SOCS6: variants seen among roughly 807,000 people sequenced by gnomAD.
SOCS6 encodes the protein suppressor of cytokine signaling 6.
Under a neutral mutation model 27.7 loss-of-function variants are expected in SOCS6, and 5 were observed. The ratio of observed to expected loss-of-function variants is 0.18; its 90% CI spans 0.09 to 0.38. SOCS6 has a LOEUF of 0.38. Ranked by LOEUF, SOCS6 falls within the 10% of genes least tolerant of loss-of-function variation. SOCS6 has a pLI of 1.00. For synonymous variants in SOCS6, 271 were observed against 260.0 expected, an observed-to-expected ratio of 1.04 and a Z score of -0.41; for missense variants, 595 against 688.1, an observed-to-expected ratio of 0.86 and a Z score of 1.51.
At chr18:70,308,973 T>C (rs2062379777) in intron 1 of SOCS6, among the ~76,000 whole-genome samples, 1 of 152,206 alleles carries the variant, frequency 6.6e-6, no homozygotes, top group Non-Finnish European at 1.5e-5. Flanking sequence ...CAGCACATAG[T>C]TGTTTCTTTT....
intron 1 of SOCS6, among the ~76,000 whole-genome samples, chr18:70,290,930 C>T (rs569943270): frequency 3.5e-4 from 53 of 152,292 alleles, no homozygotes; most frequent in Admixed American, 1.6e-3. Context: ...TCTTGGTGGG[C>T]CCCCCACCCC....
chr18:70,309,461 T>C (rs1394924060), intron 1 of SOCS6, among the ~76,000 whole-genome samples: 1 of 152,230 alleles, frequency 6.6e-6, no homozygotes, highest in Non-Finnish European at 1.5e-5. Flanking sequence ...CTGCATTCTT[T>C]TGTGTTAAGT....
intron 1 of SOCS6, among the ~76,000 whole-genome samples, chr18:70,312,225 A>T (rs978987787): frequency 6.6e-6 from 1 of 152,242 alleles, no homozygotes; most frequent in Non-Finnish European, 1.5e-5. Context: ...TACCAAACTT[A>T]ACAGGGTTAT....
intron 1 of SOCS6, among the ~76,000 whole-genome samples, chr18:70,301,188 G>A (rs1366033688): frequency 6.6e-6 from 1 of 152,178 alleles, no homozygotes; most frequent in African/African-American, 2.4e-5. Flanking sequence ...CCTTATTACA[G>A]TAGTAGCCAC....
chr18:70,297,414 C>T (rs1014101825), intron 1 of SOCS6, among the ~76,000 whole-genome samples: 2 of 151,768 alleles, frequency 1.3e-5, no homozygotes, highest in Non-Finnish European at 2.9e-5. Flanking sequence ...TTAAACCCTT[C>T]GTTTTTGGGA....
intron 1 of SOCS6, among the ~76,000 whole-genome samples, chr18:70,310,153 A>G (rs2062384684): frequency 6.6e-6 from 1 of 152,238 alleles, no homozygotes; most frequent in South Asian, 2.1e-4. Context: ...GTTGTCACCA[A>G]ATGTGATGAA....
At chr18:70,291,535 G>T (rs1269736656) in intron 1 of SOCS6, among the ~76,000 whole-genome samples, 1 of 152,148 alleles carries the variant, frequency 6.6e-6, no homozygotes, top group Non-Finnish European at 1.5e-5. Flanking sequence ...ATAGAGGTGT[G>T]ATCTTATTTA....
chr18:70,321,163 G>T (rs543843624), intron 1 of SOCS6, among the ~76,000 whole-genome samples: 1 of 151,760 alleles, frequency 6.6e-6, no homozygotes, highest in East Asian at 2.0e-4. Flanking sequence ...AGTACCAACT[G>T]CTCAGGAGGC....
chr18:70,315,199 T>G (rs796195243), intron 1 of SOCS6, among the ~76,000 whole-genome samples: 7 of 152,264 alleles, frequency 4.6e-5, no homozygotes, highest in African/African-American at 1.7e-4. Flanking sequence ...ATCAGTATAC[T>G]TTTGACCTCA....
rs1222686976 is a variant in SOCS6 at position 70,329,146 on chromosome 18, A to G, written c.*2870A>G. ...TTTTTATAAATAAGAAGAAGGCTGT[A>G]GAAAGTACTTGAAAAATATCTAATT... On this transcript the variant is annotated 3_prime_UTR_variant, in exon 2 of 2. Coordinates refer to ENST00000397942, the MANE Select transcript of SOCS6 (RefSeq NM_004232.4). 2 of 167,124 alleles carry G rather than the reference A, an allele frequency of 1.2e-5. No individual in the cohort carries two copies. The highest frequency in any genetic ancestry group is 3.8e-4 in the East Asian group (2 of 5,210). 10.4% of individuals were successfully genotyped at this position (167,124 alleles called of 1,614,324 possible).
intron 1 of SOCS6, among the ~76,000 whole-genome samples, chr18:70,313,435 T>G (rs1490060178): frequency 3.9e-5 from 6 of 152,160 alleles, no homozygotes; most frequent in African/African-American, 1.2e-4. Flanking sequence ...AGGTTTTATG[T>G]TATGTATTAG....
chr18:70,323,222 C>T (rs1040084411), intron 1 of SOCS6, among the ~76,000 whole-genome samples: 2 of 152,130 alleles, frequency 1.3e-5, no homozygotes, highest in African/African-American at 4.8e-5. Flanking sequence ...AAGCGAATCA[C>T]CTTGTCAAGT....
At chr18:70,298,923 G>A (rs911944910) in intron 1 of SOCS6, among the ~76,000 whole-genome samples, 7 of 152,072 alleles carry the variant, frequency 4.6e-5, no homozygotes, top group Admixed American at 1.3e-4. Flanking sequence ...TCAGGAGTTC[G>A]AGACCAGCCT....
intron 1 of SOCS6, among the ~76,000 whole-genome samples, chr18:70,295,387 G>A (rs2062318699): frequency 6.6e-6 from 1 of 152,196 alleles, no homozygotes; most frequent in Non-Finnish European, 1.5e-5. Flanking sequence ...TATGCTAGAT[G>A]GTTGAAGCAG....
intron 1 of SOCS6, among the ~76,000 whole-genome samples, chr18:70,309,703 G>T (rs1406889568): frequency 6.6e-6 from 1 of 151,888 alleles, no homozygotes; most frequent in African/African-American, 2.4e-5. Flanking sequence ...TTATTTTTGA[G>T]ACAAGAGTCT....
chr18:70,297,595 G>GATC (rs144798199), intron 1 of SOCS6, among the ~76,000 whole-genome samples: 3,877 of 152,248 alleles, frequency 0.025, 86 homozygotes, highest in South Asian at 0.078. Context: ...AGCATCAAGA[G>GATC]ATCGCATCTT....
rs563096270 is a variant in SOCS6, at chr18:70,290,789, T to C, written c.-127+1699T>C. Among the ~76,000 whole-genome samples the C allele has an allele frequency of 4.4e-3, 639 of 144,276 alleles. 5 individuals carry two copies. The highest frequency in any genetic ancestry group is 0.016 in the African/African-American group (608 of 39,010). 94.7% of individuals were successfully genotyped at this position (144,276 alleles called of 152,430 possible). On this transcript the variant is annotated intron_variant, in intron 1 of 1. Transcript: ENST00000397942. ...TTAGAACTCCATTCAGCATCTCTTT[T>C]GAAACACTGTTTCTCTCTTACCTTT...
chr18:70,305,937 G>A (rs932553735), intron 1 of SOCS6, among the ~76,000 whole-genome samples: 11 of 151,902 alleles, frequency 7.2e-5, no homozygotes, highest in Non-Finnish European at 1.3e-4. Flanking sequence ...GTTTTTCTAC[G>A]TATAAGATTT....
rs769812956 is a variant in SOCS6 at position 70,325,690 on chromosome 18, G to A, written c.1022G>A (p.Arg341His). The change falls in exon 2 of 2, where the codon CGC (arginine) becomes CAC (histidine). Residue 341 changes from arginine (R) to histidine (H), a missense_variant. Arg to His is a conservative substitution (Grantham distance 29). Transcript: ENST00000397942. The surrounding 1 kb of genome is among the most constrained non-coding windows in gnomAD (Gnocchi z 6.3). ...GTEAHVAESMRCHLNFDPNSA... is the reference protein window; with the variant it reads ...GTEAHVAESMHCHLNFDPNSA... ...GAAGCCCACGTGGCTGAAAGTATGC[G>A]CTGTCATTTGAATTTTGATCCGAAC... 15 of 1,614,158 alleles carry A rather than the reference G, an allele frequency of 9.3e-6. No homozygotes were observed. Among genetic ancestry groups the A allele is most frequent in the Middle Eastern group, 3.3e-4 (2 of 6,038 alleles).
Sources: gnomAD v4.1 joint callset for allele counts (sites outside exome capture counted in the v4.1 genomes callset) on GRCh38, gnomAD v4.1.1 for gene constraint, Gnocchi (gnomAD v3.1) non-coding constraint, MANE v1.5 for transcripts, NCBI Gene and HGNC (gene_info 2026-07-23, HGNC 2026-07-21) for gene names.